The following SCFD2 variants were observed in gnomAD, a reference collection of about 807,000 sequenced individuals.
The protein encoded by SCFD2 is sec1 family domain-containing protein 2.
SCFD2 carries 54 observed loss-of-function variants against 58.9 expected under a neutral mutation model. The ratio of observed to expected loss-of-function variants is 0.92; its 90% CI spans 0.74 to 1.15. The LOEUF (loss-of-function observed/expected upper bound fraction) is 1.15, where lower values mean the gene tolerates loss of function less well. Among genes scored for constraint, SCFD2 ranks in the 50% most tolerant of loss-of-function variants. The pLI is 0.00. For synonymous variants in SCFD2, 321 were observed against 335.9 expected (o/e 0.96, Z 0.49); for missense variants, 805 against 836.6 (o/e 0.96, Z 0.47).
chr4:53,251,823 C>T (rs1263630139), intron 4 of SCFD2, among the ~76,000 whole-genome samples: 5 of 151,680 alleles, frequency 3.3e-5, no homozygotes, highest in Non-Finnish European at 4.4e-5. Context: ...AAAACTGGCA[C>T]AAGACAGGGA....
At chr4:53,054,746 T>G (rs1480843925) in intron 5 of SCFD2, among the ~76,000 whole-genome samples, 4 of 152,102 alleles carry the variant, frequency 2.6e-5, no homozygotes, top group Non-Finnish European at 5.9e-5. Flanking sequence ...CTTGACCTCC[T>G]GGGCTTAAGC....
intron 3 of SCFD2, among the ~76,000 whole-genome samples, chr4:53,307,264 A>G (rs190158194): frequency 4.9e-4 from 74 of 152,380 alleles, no homozygotes; most frequent in Admixed American, 2.5e-3. Context: ...AGGTAGGTGA[A>G]GCATAAGGCT....
At chr4:53,226,009 C>A (rs1270735820) in intron 4 of SCFD2, among the ~76,000 whole-genome samples, 1 of 151,856 alleles carries the variant, frequency 6.6e-6, no homozygotes, top group African/African-American at 2.4e-5. Context: ...GCTGTATTGC[C>A]CAGATTGGTC....
intron 4 of SCFD2, among the ~76,000 whole-genome samples, chr4:53,236,258 T>C (rs1291145605): frequency 6.6e-6 from 1 of 152,158 alleles, no homozygotes; most frequent in African/African-American, 2.4e-5. Context: ...CCCTCGAACA[T>C]CGAACTCTCA....
intron 5 of SCFD2, among the ~76,000 whole-genome samples, chr4:53,064,874 A>G (rs1213933377): frequency 6.6e-6 from 1 of 152,146 alleles, no homozygotes; most frequent in East Asian, 1.9e-4. Flanking sequence ...TAATACATGT[A>G]AAGTACCTAG....
chr4:53,038,725 T>C (rs1722824451), intron 5 of SCFD2, among the ~76,000 whole-genome samples: 2 of 151,980 alleles, frequency 1.3e-5, no homozygotes, highest in South Asian at 4.1e-4. Context: ...GGTGTTGCTC[T>C]GCATTCATAG....
intron 4 of SCFD2, among the ~76,000 whole-genome samples, chr4:53,249,307 G>A (rs1234034898): frequency 1.3e-5 from 2 of 152,194 alleles, no homozygotes; most frequent in Admixed American, 6.5e-5. Flanking sequence ...GGGACTATGT[G>A]AAAAGACCAA....
intron 7 of SCFD2, among the ~76,000 whole-genome samples, chr4:52,887,773 G>C (rs1055602195): frequency 6.6e-6 from 1 of 152,152 alleles, no homozygotes; most frequent in Non-Finnish European, 1.5e-5. Flanking sequence ...AGGCAGTCCC[G>C]AGGAGTGCCT....
chr4:53,035,686 A>G (rs548672163), intron 5 of SCFD2, among the ~76,000 whole-genome samples: 140 of 152,368 alleles, frequency 9.2e-4, no homozygotes, highest in Non-Finnish European at 1.7e-3. Flanking sequence ...GACACTTCTC[A>G]AAAGAAGACA....
chr4:53,200,255 G>C (rs1728188316), intron 4 of SCFD2, among the ~76,000 whole-genome samples: 2 of 152,020 alleles, frequency 1.3e-5, no homozygotes, highest in African/African-American at 4.8e-5. Flanking sequence ...TTCTGCACCT[G>C]ATCCTTTAAA....
intron 5 of SCFD2, among the ~76,000 whole-genome samples, chr4:53,136,750 C>T (rs1173600537): frequency 1.3e-5 from 2 of 152,172 alleles, no homozygotes; most frequent in Non-Finnish European, 2.9e-5. Context: ...AAAACCAGAA[C>T]CCAGATCCAC....
At chr4:53,034,092 G>A (rs1210869630) in intron 5 of SCFD2, among the ~76,000 whole-genome samples, 2 of 152,144 alleles carry the variant, frequency 1.3e-5, no homozygotes, top group Non-Finnish European at 2.9e-5. Flanking sequence ...AAACCCAGCA[G>A]CACATCAAAA....
intron 2 of SCFD2, among the ~76,000 whole-genome samples, chr4:53,323,384 GTTT>G (rs1057276598): frequency 5.3e-5 from 8 of 152,074 alleles, no homozygotes; most frequent in African/African-American, 1.9e-4. Flanking sequence ...TTTTGTTGTT[GTTT>G]TTTTGGGACA....
chr4:53,054,308 T>G (rs538120942), intron 5 of SCFD2, among the ~76,000 whole-genome samples: 1 of 152,220 alleles, frequency 6.6e-6, no homozygotes, highest in South Asian at 2.1e-4. Flanking sequence ...ATATGTCTTA[T>G]AATTTATGAC....
At chr4:52,889,100 A>G (rs1210460993) in intron 7 of SCFD2, among the ~76,000 whole-genome samples, 1 of 152,096 alleles carries the variant, frequency 6.6e-6, no homozygotes, top group African/African-American at 2.4e-5. Context: ...TATTCATTCT[A>G]CCTACTTAAG....
In SCFD2 at chr4:52,948,852, C is replaced by T. The variant is rs149240748; in HGVS notation, c.1562-27982G>A. 416 of 184,196 alleles carry T rather than the reference C, an allele frequency of 2.3e-3. 2 individuals are homozygous for T. Among genetic ancestry groups the T allele is most frequent in the African/African-American group, 9.4e-3 (395 of 42,104 alleles). 11.4% of individuals were successfully genotyped at this position (184,196 alleles called of 1,614,324 possible). On this transcript the variant is annotated intron_variant, in intron 5 of 8. Transcript: ENST00000401642. ...GGTTGTAATGTATATTCTCTTTCTC[C>T]CACATCCCGCCTTCTATTTTCTTCT... is the stretch of plus-strand genomic sequence containing the variant.
At chr4:52,926,405 C>G (rs532786530) in intron 5 of SCFD2, among the ~76,000 whole-genome samples, 1 of 152,082 alleles carries the variant, frequency 6.6e-6, no homozygotes, top group Non-Finnish European at 1.5e-5. Flanking sequence ...CACACACGCA[C>G]GCGTGCGCAC....
In SCFD2 at chr4:52,966,038, G is replaced by A. The variant is rs557232964; in HGVS notation, c.1562-45168C>T. Among the ~76,000 whole-genome samples the A allele has an allele frequency of 2.0e-5, 3 of 152,242 alleles. No homozygotes were observed. The East Asian group carries it at 5.8e-4, about 29-fold the overall frequency. On this transcript the variant is annotated intron_variant, in intron 5 of 8. Transcript: ENST00000401642. ...TTGGGACAAGAATTAAAAATGGCACGATCCTATGAAAACGACATCTGATTT... is the reference window on the plus strand; with the variant it reads ...TTGGGACAAGAATTAAAAATGGCACAATCCTATGAAAACGACATCTGATTT...
At chr4:52,992,558 C>T (rs1721638766) in intron 5 of SCFD2, among the ~76,000 whole-genome samples, 1 of 151,778 alleles carries the variant, frequency 6.6e-6, no homozygotes, top group African/African-American at 2.4e-5. Context: ...CTCTTCCCGG[C>T]CGCCATCCCC....
Sources: allele counts gnomAD v4.1 joint callset (sites outside exome capture counted in the v4.1 genomes callset), GRCh38; gene constraint gnomAD v4.1.1; transcripts MANE v1.5; gene names NCBI Gene and HGNC (gene_info 2026-07-23, HGNC 2026-07-21).